The following PDPR variants were observed in gnomAD, a reference collection of about 807,000 sequenced individuals.
PDPR encodes pyruvate dehydrogenase phosphatase regulatory subunit, also known as pyruvate dehydrogenase phosphatase regulatory subunit, mitochondrial.
In PDPR, 50 loss-of-function variants were observed where a neutral mutation model predicts 102.2. The ratio of observed to expected loss-of-function variants is 0.49; its 90% CI spans 0.39 to 0.62. PDPR has a LOEUF of 0.62. Ranked by LOEUF, PDPR falls within the 20% of genes least tolerant of loss-of-function variation. The pLI is 0.00. For missense variants in PDPR, 625 were observed against 1,098.2 expected, an observed-to-expected ratio of 0.57 and a Z score of 6.09; for synonymous variants, 259 against 406.0, an observed-to-expected ratio of 0.64 and a Z score of 4.35.
chr16:70,127,731 T>G (rs1167996016), intron 4 of PDPR, among the ~76,000 whole-genome samples: 1 of 152,284 alleles, frequency 6.6e-6, no homozygotes, highest in African/African-American at 2.4e-5. Flanking sequence ...TCATTGCATT[T>G]TAGGAGAATT....
At chr16:70,156,049 C>G (rs1180741459) in intron 18 of PDPR, among the ~76,000 whole-genome samples, 1 of 152,232 alleles carries the variant, frequency 6.6e-6, no homozygotes, top group African/African-American at 2.4e-5. Flanking sequence ...TCCACCACAC[C>G]CAGCTTATTT....
intron 2 of PDPR, among the ~76,000 whole-genome samples, chr16:70,115,528 T>C (rs879438661): frequency 1.8e-4 from 28 of 152,162 alleles, no homozygotes; most frequent in Non-Finnish European, 1.9e-4. Context: ...ACCGTGGGAA[T>C]CTGTCATTTT....
intron 3 of PDPR, among the ~76,000 whole-genome samples, chr16:70,122,293 GTTGTC>G (rs1380212098): frequency 6.6e-6 from 1 of 152,266 alleles, no homozygotes; most frequent in Non-Finnish European, 1.5e-5. Context: ...GGCCTAGGCT[GTTGTC>G]TTGTGATCAG....
At chr16:70,117,248 C>CTCAT (rs1354535071) in intron 2 of PDPR, among the ~76,000 whole-genome samples, 4 of 125,638 alleles carry the variant, frequency 3.2e-5, no homozygotes, top group Non-Finnish European at 7.0e-5. Flanking sequence ...GTCACAGTGG[C>CTCAT]TCATGCCTGT....
rs745826227 is a variant in PDPR at position 70,154,478 on chromosome 16, AAAAC to A, written c.2235+913_2235+916del. 9.8e-4 allele frequency among the ~76,000 whole-genome samples: 150 copies of A among 152,340 alleles called. 1 individual carries two copies. The highest frequency in any genetic ancestry group is 1.8e-3 in the Non-Finnish European group (125 of 67,992). On this transcript the variant is annotated intron_variant, in intron 18 of 18. Coordinates refer to ENST00000288050, the MANE Select transcript of PDPR (RefSeq NM_017990.5). The stretch of plus-strand genomic sequence containing the variant: ...GACCTTGTCTCTGAATTACAATTGA[AAAAC>A]AAACAAAAAAACCCACTTATTTCTA...
chr16:70,148,379 A>G, intron 16 of PDPR, 85 bp from the exon 17 acceptor site: 10 of 933,604 alleles, frequency 1.1e-5, no homozygotes, highest in Admixed American at 4.0e-5. Context: ...CAGAGGGTGC[A>G]GCACTAATGA....
At chr16:70,148,997 C>G (rs1447185486) in intron 17 of PDPR, among the ~76,000 whole-genome samples, 2 of 151,846 alleles carry the variant, frequency 1.3e-5, no homozygotes, top group Non-Finnish European at 2.9e-5. Flanking sequence ...TGGGCTCAAG[C>G]CACCCTCCCA....
At chr16:70,119,491 G>A (rs989353853) in intron 2 of PDPR, among the ~76,000 whole-genome samples, 93 of 149,376 alleles carry the variant, frequency 6.2e-4, no homozygotes, top group Middle Eastern at 3.4e-3. Context: ...ACTGGCTTCC[G>A]CCTGCCTCTC....
chr16:70,131,976 A>T lies in PDPR; in HGVS notation c.848-175A>T, dbSNP rs769811496. On this transcript the variant is annotated intron_variant, in intron 8 of 18. Transcript: ENST00000288050. ...CTAAATGGGAGGATCTTCCCCCGTGACCTCAAAAGGTATTTTAAAGCTAAT... is the reference window on the plus strand; with the variant it reads ...CTAAATGGGAGGATCTTCCCCCGTGTCCTCAAAAGGTATTTTAAAGCTAAT... 7.2e-6 allele frequency: 11 copies of T among 1,528,870 alleles called. No individual in the cohort carries two copies. The South Asian group carries it at 1.3e-4, about 18-fold the overall frequency. 94.7% of individuals were successfully genotyped at this position (1,528,870 alleles called of 1,614,324 possible).
rs2152131780 is a variant in PDPR, at chr16:70,162,359, AG to A, written c.*5481del. The stretch of plus-strand genomic sequence containing the variant: ...TGAAGACATCCGAGGCACTTCAGTA[AG>A]TGGGATCTTTTCTAGAGATCCTGGG... On this transcript the variant is annotated 3_prime_UTR_variant, in exon 19 of 19. Transcript: ENST00000288050. The A allele has an allele frequency of 6.5e-6, 1 of 152,714 alleles. No homozygotes were observed. The highest frequency in any genetic ancestry group is 1.5e-5 in the Non-Finnish European group (1 of 68,214). 9.5% of individuals were successfully genotyped at this position (152,714 alleles called of 1,614,324 possible).
In PDPR at chr16:70,155,832, T is replaced by G. The variant is rs1967110518; in HGVS notation, c.2236-643T>G. 3.3e-5 allele frequency among the ~76,000 whole-genome samples: 5 copies of G among 151,274 alleles called. No individual in the cohort carries two copies. In the South Asian group the frequency reaches 1.0e-3, roughly 31 times the overall value. ...TTTTTTTTTTTTTGAGACAGAGTTT[T>G]GCTGTGTCAACCGAGGCTGGACTGC... On this transcript the variant is annotated intron_variant, in intron 18 of 18. Coordinates refer to ENST00000288050, the MANE Select transcript of PDPR (RefSeq NM_017990.5).
At chr16:70,118,406 G>C (rs1017387915) in intron 2 of PDPR, among the ~76,000 whole-genome samples, 13 of 152,382 alleles carry the variant, frequency 8.5e-5, no homozygotes, top group African/African-American at 3.1e-4. Context: ...CCTGAATACA[G>C]ACAGAGGTCT....
intron 3 of PDPR, among the ~76,000 whole-genome samples, chr16:70,125,431 G>A (rs1351761979): frequency 6.6e-6 from 1 of 151,772 alleles, no homozygotes; most frequent in East Asian, 2.0e-4. Flanking sequence ...ACACACACCT[G>A]TAATCCCTGC....
upstream of PDPR, chr16:70,114,138 C>T (rs1229413786): frequency 6.6e-6 from 1 of 152,160 alleles, no homozygotes; most frequent in Non-Finnish European, 1.5e-5. Flanking sequence ...GCAAAGAGGC[C>T]GCGGGGGCGG....
chr16:70,149,075 T>C (rs1966488323), intron 17 of PDPR, among the ~76,000 whole-genome samples: 1 of 150,202 alleles, frequency 6.7e-6, no homozygotes, highest in South Asian at 2.1e-4. Flanking sequence ...TTGTATTTTT[T>C]TGTAGAGACA....
chr16:70,154,214 G>T (rs1378137426), intron 18 of PDPR, among the ~76,000 whole-genome samples: 1 of 152,260 alleles, frequency 6.6e-6, no homozygotes, highest in Non-Finnish European at 1.5e-5. Flanking sequence ...TGTAGTTCCA[G>T]CTACTCGGGA....
intron 3 of PDPR, among the ~76,000 whole-genome samples, chr16:70,123,749 C>T (rs1963607350): frequency 6.6e-6 from 1 of 152,254 alleles, no homozygotes; most frequent in Non-Finnish European, 1.5e-5. Context: ...ATTTAAACCT[C>T]ACACTTAAAA....
chr16:70,153,365 T>A (rs778950939), intron 17 of PDPR, 26 bp from the exon 18 acceptor site: 21 of 1,602,324 alleles, frequency 1.3e-5, no homozygotes, highest in Non-Finnish European at 1.8e-5. Flanking sequence ...GTCTGCTGCT[T>A]ATGAACTTTC....
chr16:70,153,182 T>C (rs1269016559), intron 17 of PDPR, among the ~76,000 whole-genome samples: 2 of 152,276 alleles, frequency 1.3e-5, no homozygotes, highest in African/African-American at 2.4e-5. Flanking sequence ...ATGGATCCTG[T>C]TGTCATGGAG....
Sources: allele counts gnomAD v4.1 joint callset (sites outside exome capture counted in the v4.1 genomes callset), GRCh38; gene constraint gnomAD v4.1.1; transcripts MANE v1.5; gene names NCBI Gene and HGNC (gene_info 2026-07-23, HGNC 2026-07-21).